Variants in SPEN observed in about 807,000 individuals in gnomAD.
The protein encoded by SPEN is msx2-interacting protein.
Under a neutral mutation model 269.9 loss-of-function variants are expected in SPEN, and 18 were observed. That is an observed-to-expected ratio of 0.07 (90% CI 0.05 to 0.10). The LOEUF is 0.10. Among genes scored for constraint, SPEN ranks in the 10% least tolerant of loss-of-function variants. The pLI is 1.00. For synonymous variants in SPEN, 1,726 were observed against 1,765.7 expected, an observed-to-expected ratio of 0.98 and a Z score of 0.56; for missense variants, 3,822 against 4,631.2, an observed-to-expected ratio of 0.83 and a Z score of 5.07.
chr1:15,928,903 G>A lies in SPEN; in HGVS notation c.2663G>A (p.Gly888Glu). The A allele has an allele frequency of 6.2e-7, 1 of 1,614,188 alleles. No individual in the cohort carries two copies. Among genetic ancestry groups the A allele is most frequent in the Non-Finnish European group, 8.5e-7 (1 of 1,180,026 alleles). The part of the protein sequence containing the change: ...VVLTRVKEKE[G>E]KVIDHTPVEK... Reference sequence around the variant, plus strand: ...TTGACTCGAGTGAAAGAGAAAGAGGGAAAGGTCATTGACCACACTCCTGTG... The same window carrying A: ...TTGACTCGAGTGAAAGAGAAAGAGGAAAAGGTCATTGACCACACTCCTGTG... The change falls in exon 11 of 15, where the codon GGA becomes GAA. Residue 888 changes from glycine (G) to glutamate (E), a missense_variant. Physicochemically the swap from Gly to Glu is moderately conservative, Grantham distance 98. Transcript: ENST00000375759. This position sits in a 1 kb window ranked among gnomAD's most constrained non-coding sequence, Gnocchi z 5.7.
In SPEN at chr1:15,909,408, T is replaced by C. The variant is rs1342914993; in HGVS notation, c.969T>C (p.Leu323=). The C allele has an allele frequency of 6.2e-7, 1 of 1,614,190 alleles. No homozygotes were observed. The highest frequency in any genetic ancestry group is 1.7e-5 in the Admixed American group (1 of 60,014). ...AAVPAPTSQL[L]SSLEKDEPRK... is the part of the protein sequence containing the mutation. The stretch of plus-strand genomic sequence containing the variant: ...TCCCTGCACCCACTTCCCAGTTGCT[T>C]TCATCTCTGGAAAAAGATGAGCCCC... The change falls in exon 4 of 15, where the codon CTT becomes CTC. Residue 323 remains leucine (L), a synonymous_variant. Coordinates refer to ENST00000375759, the MANE Select transcript of SPEN (RefSeq NM_015001.3).
rs1176744335 is a variant in SPEN at position 15,940,299 on chromosome 1, G to A, written c.*872G>A. On this transcript the variant is annotated 3_prime_UTR_variant, in exon 15 of 15. Transcript: ENST00000375759. ...TCCCGCGATGTGGAAGTGTCACACG[G>A]CACCTGTACAAAAAGACTGGCTAAC... is the stretch of plus-strand genomic sequence containing the variant. 4.3e-6 allele frequency: 1 copy of A among 233,054 alleles called. No homozygotes were observed. The highest frequency in any genetic ancestry group is 8.5e-6 in the Non-Finnish European group (1 of 117,758). The allele number at this position is 233,054 out of a possible 1,614,324, so 14.4% of individuals were successfully genotyped here.
At position 15,876,593 on chromosome 1, in the gene SPEN, A is replaced by G. The variant is rs1002713169; in HGVS notation, c.796A>G (p.Thr266Ala). The change falls in exon 3 of 15, where the codon ACA becomes GCA. Residue 266 changes from threonine (T) to alanine (A), a missense_variant. Physicochemically the swap from Thr to Ala is moderately conservative, Grantham distance 58. Around this residue, in one of 16 missense-constraint regions of SPEN, gnomAD observed 327 missense variants for 350.8 expected, o/e 0.93. Coordinates refer to ENST00000375759, the MANE Select transcript of SPEN (RefSeq NM_015001.3). ...QRLASQASRP[T>A]RSPSGSGSRS... is the part of the protein sequence containing the mutation. ...ACTGGCTAGCCAAGCATCTAGACCC[A>G]CAAGGTCCCCTAGCGGCAGCGGCTC... 6.2e-7 allele frequency: 1 copy of G among 1,614,076 alleles called. No individual in the cohort carries two copies. Among genetic ancestry groups the G allele is most frequent in the Admixed American group, 1.7e-5 (1 of 60,016 alleles).
Position 15,935,319 on chromosome 1 carries a change from C to G in SPEN, c.9079C>G (p.Arg3027Gly). 6.2e-7 allele frequency: 1 copy of G among 1,614,096 alleles called. No homozygotes were observed. Among genetic ancestry groups the G allele is most frequent in the Non-Finnish European group, 8.5e-7 (1 of 1,180,000 alleles). ...AAAKLDAHSP[R>G]PSGPGPSSFP... Reference sequence around the variant, plus strand: ...TGCAAAGCTAGATGCTCATTCTCCTCGACCAAGTGGACCCGGGCCATCCTC... The same window carrying G: ...TGCAAAGCTAGATGCTCATTCTCCTGGACCAAGTGGACCCGGGCCATCCTC... Residue 3027 changes from arginine to glycine, a missense_variant, in exon 11 of 15, where the codon CGA (arginine) becomes GGA (glycine). Physicochemically the swap from Arg to Gly is moderately radical, Grantham distance 125. Around this residue, in one of 16 missense-constraint regions of SPEN, gnomAD observed 94 missense variants for 90.4 expected, o/e 1.04. Transcript: ENST00000375759. This position sits in a 1 kb window ranked among gnomAD's most constrained non-coding sequence, Gnocchi z 7.7.
At chr1:15,890,536 A>G (rs1277122666) in intron 3 of SPEN, among the ~76,000 whole-genome samples, 1 of 136,956 alleles carries the variant, frequency 7.3e-6, no homozygotes, top group Non-Finnish European at 1.6e-5. Context: ...GGCCTGGTTG[A>G]TATTTTTAGA....
chr1:15,892,841 G>A (rs1395785983), intron 3 of SPEN, among the ~76,000 whole-genome samples: 2 of 152,176 alleles, frequency 1.3e-5, no homozygotes, highest in African/African-American at 4.8e-5. Flanking sequence ...GCTCACGTCT[G>A]TAATCCCAGC....
rs1557746623 is a variant in SPEN at position 15,894,533 on chromosome 1, G to GTGGTTTTT, written c.882-14787_882-14786insGGTTTTTT. Among the ~76,000 whole-genome samples, 4 of 136,014 alleles carry GTGGTTTTT rather than the reference G, an allele frequency of 2.9e-5. 1 individual carries two copies. 89.2% of individuals were successfully genotyped at this position (136,014 alleles called of 152,430 possible). A position where few individuals can be genotyped will look rare whatever the true frequency, so the allele number is the denominator to read the frequency against. On this transcript the variant is annotated intron_variant, in intron 3 of 14. Coordinates refer to ENST00000375759, the MANE Select transcript of SPEN (RefSeq NM_015001.3). Reference sequence around the variant, plus strand: ...TAGATCCTAAAACTACCATATTATGGTTGTTTTTTTTTTTTTTTTTTTTTT... The same window carrying GTGGTTTTT: ...TAGATCCTAAAACTACCATATTATGGTGGTTTTTTTGTTTTTTTTTTTTTTTTTTTTTT...
chr1:15,864,463 C>A lies in SPEN; in HGVS notation c.84-8353C>A, dbSNP rs540541164. Among the ~76,000 whole-genome samples, 171 of 141,270 alleles carry A rather than the reference C, an allele frequency of 1.2e-3. 1 individual carries two copies. The highest frequency in any genetic ancestry group is 2.0e-3 in the Non-Finnish European group (135 of 66,628). The allele number at this position is 141,270 out of a possible 152,430, so 92.7% of individuals were successfully genotyped here. A position where few individuals can be genotyped will look rare whatever the true frequency, so the allele number is the denominator to read the frequency against. ...GGGATTATAGGCGTGAGCCTCTGTG[C>A]CGGCCGGTTTTTTTTTTTTTTTTTT... is the stretch of plus-strand genomic sequence containing the variant. On this transcript the variant is annotated intron_variant, in intron 1 of 14. Transcript: ENST00000375759.
chr1:15,911,829 C>T (rs1274145151), intron 5 of SPEN, among the ~76,000 whole-genome samples: 3 of 152,122 alleles, frequency 2.0e-5, no homozygotes, highest in Non-Finnish European at 4.4e-5. Context: ...GGCGTGGTGG[C>T]GCACGCCTGT....
Position 15,904,452 on chromosome 1 carries a change from C to CAAAAAAAAAA in SPEN, c.882-4853_882-4844dup, listed in dbSNP as rs1215369183. Among the ~76,000 whole-genome samples, 121 of 48,622 alleles carry CAAAAAAAAAA rather than the reference C, an allele frequency of 2.5e-3. 6 individuals carry two copies. Among genetic ancestry groups the CAAAAAAAAAA allele is most frequent in the African/African-American group, 4.2e-3 (71 of 16,802 alleles). The allele number at this position is 48,622 out of a possible 152,430, so 31.9% of individuals were successfully genotyped here. A position where few individuals can be genotyped will look rare whatever the true frequency, so the allele number is the denominator to read the frequency against. On this transcript the variant is annotated intron_variant, in intron 3 of 14. Transcript: ENST00000375759. ...GGGCAATAAGAGCGAAACTCCATCT[C>CAAAAAAAAAA]AAAAAAAAAAAAAAAAAAAAAAAAA...
At chr1:15,893,583 C>A (rs2148720127) in intron 3 of SPEN, among the ~76,000 whole-genome samples, 1 of 152,208 alleles carries the variant, frequency 6.6e-6, no homozygotes, top group East Asian at 1.9e-4. Context: ...ACTCCTTGTC[C>A]CTGCAACTGC....
rs756634501 is a variant in SPEN, at chr1:15,932,820, G to T, written c.6580G>T (p.Ala2194Ser). ...ASASAAYKAD[A>S]PEGLAPEDRD... ...TGCCTCTGCTGCCTATAAGGCAGAT[G>T]CACCAGAGGGCCTTGCCCCAGAGGA... The change falls in exon 11 of 15, where the codon GCA becomes TCA. Residue 2194 changes from alanine (A) to serine (S), a missense_variant. By Grantham distance (99) the Ala-to-Ser change is moderately conservative. Around this residue, in one of 16 missense-constraint regions of SPEN, gnomAD observed 727 missense variants for 737.9 expected, o/e 0.99. Transcript: ENST00000375759. The surrounding 1 kb of genome is among the most constrained non-coding windows in gnomAD (Gnocchi z 4.2). 1.2e-6 allele frequency: 2 copies of T among 1,614,234 alleles called. No individual in the cohort carries two copies. The highest frequency in any genetic ancestry group is 1.7e-6 in the Non-Finnish European group (2 of 1,180,038).
intron 10 of SPEN, among the ~76,000 whole-genome samples, chr1:15,926,275 TATTC>T (rs1359226240): frequency 2.0e-5 from 3 of 151,998 alleles, no homozygotes; most frequent in Non-Finnish European, 4.4e-5. Context: ...CGCATGCCTG[TATTC>T]CCAGCTACTT....
At chr1:15,899,468 C>G (rs775193557) in intron 3 of SPEN, among the ~76,000 whole-genome samples, 2 of 151,366 alleles carry the variant, frequency 1.3e-5, no homozygotes, top group Non-Finnish European at 2.9e-5. Context: ...GCGTGAGCCA[C>G]TGCGCTCGGC....
intron 5 of SPEN, among the ~76,000 whole-genome samples, chr1:15,915,771 T>C (rs1046340813): frequency 5.9e-5 from 9 of 152,158 alleles, no homozygotes; most frequent in African/African-American, 2.2e-4. Flanking sequence ...ACTCTGGGGC[T>C]CCAGCGATCC....
rs1557759802 is a variant in SPEN, at chr1:15,931,331, G to A, written c.5091G>A (p.Leu1697=). 6.2e-7 allele frequency: 1 copy of A among 1,614,144 alleles called. No individual in the cohort carries two copies. Among genetic ancestry groups the A allele is most frequent in the Non-Finnish European group, 8.5e-7 (1 of 1,180,028 alleles). ...CTGCTCCTGCCCCTGTGGAACAGCT[G>A]GAACAAGTAGACCTGCCCCCAGGAG... The part of the protein sequence containing the change: ...SEPAPAPVEQ[L]EQVDLPPGAD... The change falls in exon 11 of 15, where the codon CTG becomes CTA. Residue 1697 remains leucine, a synonymous_variant. Coordinates refer to ENST00000375759, the MANE Select transcript of SPEN (RefSeq NM_015001.3). The surrounding 1 kb of genome is among the most constrained non-coding windows in gnomAD (Gnocchi z 4.8).
chr1:15,876,788 A>T (rs1235258060), intron 3 of SPEN, 110 bp downstream of exon 3: 2 of 849,916 alleles, frequency 2.4e-6, no homozygotes, highest in Admixed American at 4.5e-5. Context: ...ATCTTGGATC[A>T]TATATGTATG....
In SPEN at chr1:15,928,658, A is replaced by T; in HGVS notation, c.2418A>T (p.Arg806Ser). ...TFDPERVERERRLIRKEKVEK... is the reference protein window; with the variant it reads ...TFDPERVERESRLIRKEKVEK... The stretch of plus-strand genomic sequence containing the variant: ...ATCCGGAGAGAGTGGAGAGAGAGAG[A>T]CGCTTAATACGGAAGGAAAAAGTGG... Residue 806 changes from arginine to serine, a missense_variant, in exon 11 of 15, where the codon AGA (arginine) becomes AGT (serine). Coordinates refer to ENST00000375759, the MANE Select transcript of SPEN (RefSeq NM_015001.3). The surrounding 1 kb of genome is among the most constrained non-coding windows in gnomAD (Gnocchi z 5.7). The T allele has an allele frequency of 1.9e-6, 3 of 1,614,044 alleles. No individual in the cohort carries two copies. Among genetic ancestry groups the T allele is most frequent in the Non-Finnish European group, 2.5e-6 (3 of 1,180,022 alleles).
At chr1:15,904,016 G>A (rs1010837263) in intron 3 of SPEN, among the ~76,000 whole-genome samples, 5 of 152,082 alleles carry the variant, frequency 3.3e-5, no homozygotes, top group Admixed American at 1.3e-4. Flanking sequence ...TAACAAAATT[G>A]AGAACATAAA....
Sources: gnomAD v4.1 joint callset for allele counts (sites outside exome capture counted in the v4.1 genomes callset) on GRCh38, gnomAD v4.1.1 for gene constraint, gnomAD v4.1.1 regional missense constraint, Gnocchi (gnomAD v3.1) non-coding constraint, MANE v1.5 for transcripts, NCBI Gene and HGNC (gene_info 2026-07-23, HGNC 2026-07-21) for gene names.